The following GALNT14 variants were observed in gnomAD, a reference collection of about 807,000 sequenced individuals.
The protein encoded by GALNT14 is UDP-GalNAc:polypeptide N-acetylgalactosaminyltransferase 14.
GALNT14 carries 60 observed loss-of-function variants against 77.5 expected under a neutral mutation model. The observed-to-expected ratio is 0.77, with a 90% CI of 0.63 to 0.96. The LOEUF (loss-of-function observed/expected upper bound fraction) is 0.96. Ranked by LOEUF, GALNT14 falls within the 40% of genes least tolerant of loss-of-function variation. The probability of loss-of-function intolerance (pLI) is 0.00; values close to 1 mark genes in which losing one functional copy is unlikely to be tolerated. For missense variants in GALNT14, 710 were observed against 731.0 expected (o/e 0.97, Z 0.33); for synonymous variants, 280 against 281.7 (o/e 0.99, Z 0.06).
the GALNT14 span, among the ~76,000 whole-genome samples, chr2:30,902,184 A>G: frequency 1.4e-4 from 21 of 151,994 alleles, no homozygotes; most frequent in Admixed American, 2.6e-4. Flanking sequence ...TATCCCATCC[A>G]GTGATTGTCA....
rs532612735 is a variant in GALNT14 at position 30,960,112 on chromosome 2, A to G, written c.399-1648T>C. Among the ~76,000 whole-genome samples the G allele has an allele frequency of 2.5e-3, 382 of 152,228 alleles. 1 individual carries two copies. Among genetic ancestry groups the G allele is most frequent in the Middle Eastern group, 6.8e-3 (2 of 294 alleles). Reference sequence around the variant, plus strand: ...CAGATGGAGAGAGGAACCCCAACACAAAGTCGTGAGCTCACTGTCTCTGTC... The same window carrying G: ...CAGATGGAGAGAGGAACCCCAACACGAAGTCGTGAGCTCACTGTCTCTGTC... On this transcript the variant is annotated intron_variant, in intron 3 of 14. Coordinates refer to ENST00000349752, the MANE Select transcript of GALNT14 (RefSeq NM_024572.4).
At chr2:31,014,043 C>A (rs1439685079) in intron 1 of GALNT14, among the ~76,000 whole-genome samples, 1 of 152,220 alleles carries the variant, frequency 6.6e-6, no homozygotes, top group Non-Finnish European at 1.5e-5. Flanking sequence ...CTGACACTGG[C>A]TCCACTGCTT....
At chr2:31,075,853 A>AT (rs1675745365) in intron 1 of GALNT14, among the ~76,000 whole-genome samples, 1 of 152,232 alleles carries the variant, frequency 6.6e-6, no homozygotes, top group African/African-American at 2.4e-5. Context: ...CTACAGACAC[A>AT]TTCGTGAGTT....
chr2:31,137,812 C>T, intron 1 of GALNT14, 146 bp downstream of exon 1: 1 of 1,034,326 alleles, frequency 9.7e-7, no homozygotes, highest in Non-Finnish European at 1.4e-6. Context: ...AGAAACATCA[C>T]ATGGTAGCCA....
Position 30,994,135 on chromosome 2 carries a change from C to T in GALNT14, c.130-1128G>A, listed in dbSNP as rs1239409817. ...CCAGGAAGAAAGTGCTGATCAGGTT[C>T]TGATTGGAACATGAGGGTTGTTGGT... On this transcript the variant is annotated intron_variant, in intron 1 of 14. Transcript: ENST00000349752. Among the ~76,000 whole-genome samples the T allele has an allele frequency of 2.0e-5, 3 of 152,216 alleles. No individual in the cohort carries two copies. The East Asian group carries it at 5.8e-4, about 29-fold the overall frequency.
At chr2:31,075,180 G>T (rs539878239) in intron 1 of GALNT14, among the ~76,000 whole-genome samples, 5 of 152,228 alleles carry the variant, frequency 3.3e-5, no homozygotes, top group African/African-American at 1.2e-4. Context: ...AACAGAGCAC[G>T]TGAGATGCCT....
chr2:31,087,683 G>A (rs930829285), intron 1 of GALNT14, among the ~76,000 whole-genome samples: 2 of 148,344 alleles, frequency 1.3e-5, no homozygotes, highest in African/African-American at 5.0e-5. Context: ...GAAGGAGGGA[G>A]CAGCCAACCG....
chr2:31,067,964 C>A (rs1675087880), intron 1 of GALNT14, among the ~76,000 whole-genome samples: 1 of 152,092 alleles, frequency 6.6e-6, no homozygotes, highest in Non-Finnish European at 1.5e-5. Flanking sequence ...GGAACCTGCT[C>A]TTCCTTCGTG....
chr2:31,081,356 G>A (rs1323366642), intron 1 of GALNT14, among the ~76,000 whole-genome samples: 1 of 152,230 alleles, frequency 6.6e-6, no homozygotes, highest in Non-Finnish European at 1.5e-5. Flanking sequence ...AAAGGAGACT[G>A]ATTCAGTCTA....
intron 1 of GALNT14, among the ~76,000 whole-genome samples, chr2:31,032,064 T>A (rs773850695): frequency 3.9e-5 from 6 of 152,130 alleles, no homozygotes; most frequent in Non-Finnish European, 8.8e-5. Flanking sequence ...GAAACCATGG[T>A]GGGGTTTTGA....
At chr2:31,046,227 CTTT>C (rs57864916) in intron 1 of GALNT14, among the ~76,000 whole-genome samples, 12 of 134,038 alleles carry the variant, frequency 9.0e-5, no homozygotes, top group Non-Finnish European at 8.0e-5. Context: ...AACCCATATT[CTTT>C]TTTTTTTTTT....
In GALNT14 at chr2:30,980,936, G is replaced by A. The variant is rs556547737; in HGVS notation, c.299+11902C>T. Among the ~76,000 whole-genome samples the A allele has an allele frequency of 1.3e-5, 2 of 152,352 alleles. 1 individual carries two copies. The highest frequency in any genetic ancestry group is 4.1e-4 in the South Asian group (2 of 4,826). On this transcript the variant is annotated intron_variant, in intron 2 of 14. Coordinates refer to ENST00000349752, the MANE Select transcript of GALNT14 (RefSeq NM_024572.4). ...GTCTCTACTAAGATTAGCTGGGCTTGGTGACAGGCATCTAAAATCCAAGCT... is the reference window on the plus strand; with the variant it reads ...GTCTCTACTAAGATTAGCTGGGCTTAGTGACAGGCATCTAAAATCCAAGCT...
chr2:31,138,183 T>G lies in GALNT14; in HGVS notation c.-97A>C. The G allele has an allele frequency of 1.3e-6, 2 of 1,484,448 alleles. No individual in the cohort carries two copies. The highest frequency in any genetic ancestry group is 1.9e-6 in the Non-Finnish European group (2 of 1,078,706). 92.0% of individuals were successfully genotyped at this position (1,484,448 alleles called of 1,614,324 possible). On this transcript the variant is annotated 5_prime_UTR_variant, in exon 1 of 15. Transcript: ENST00000349752. ...GCAGGAGTCCTGGCGAGCGCCTCGC[T>G]CTGGGGAGCTCTAGACCCAGGATCC...
intron 1 of GALNT14, among the ~76,000 whole-genome samples, chr2:31,041,383 G>A (rs1470953414): frequency 1.3e-5 from 2 of 152,148 alleles, no homozygotes; most frequent in East Asian, 1.9e-4. Flanking sequence ...AGAAGATGAG[G>A]TGCTTGGGCT....
At chr2:30,905,010 A>G in the GALNT14 span, among the ~76,000 whole-genome samples, 1 of 152,176 alleles carries the variant, frequency 6.6e-6, no homozygotes, top group Non-Finnish European at 1.5e-5. Context: ...CCTGTCTGTT[A>G]GAAGGAAAAC....
At chr2:30,904,912 T>C in the GALNT14 span, among the ~76,000 whole-genome samples, 10,671 of 151,578 alleles carry the variant, frequency 0.07, 387 homozygotes, top group African/African-American at 0.086. Context: ...CCCTGACCCC[T>C]GAGCAGCCTA....
At chr2:30,974,838 G>C (rs968667102) in intron 2 of GALNT14, among the ~76,000 whole-genome samples, 17 of 152,286 alleles carry the variant, frequency 1.1e-4, no homozygotes, top group Admixed American at 2.6e-4. Context: ...TCAATACCCA[G>C]GATGATGACT....
chr2:31,034,136 C>G (rs531631060), intron 1 of GALNT14, among the ~76,000 whole-genome samples: 1 of 152,158 alleles, frequency 6.6e-6, no homozygotes, highest in Non-Finnish European at 1.5e-5. Flanking sequence ...TTTGTGACTT[C>G]TCAGACCAAA....
chr2:30,969,895 C>T (rs368361273), intron 2 of GALNT14, among the ~76,000 whole-genome samples: 40 of 152,290 alleles, frequency 2.6e-4, no homozygotes, highest in Non-Finnish European at 4.4e-4. Context: ...ACATTCAATA[C>T]GCATGGTTAG....
Sources: allele counts gnomAD v4.1 joint callset (sites outside exome capture counted in the v4.1 genomes callset), GRCh38; gene constraint gnomAD v4.1.1; transcripts MANE v1.5; gene names NCBI Gene and HGNC (gene_info 2026-07-23, HGNC 2026-07-21).